ELK1: variants seen among roughly 807,000 people sequenced by gnomAD.
The protein encoded by ELK1 is ETS domain-containing protein Elk-1.
For synonymous variants in ELK1, 163 were observed against 176.3 expected (o/e 0.92, Z 0.60); for missense variants, 254 against 381.5 (o/e 0.67, Z 2.78).
At position 47,637,213 on chromosome X, in the gene ELK1, A is replaced by T. The variant is rs142171122; in HGVS notation, c.1087-99T>A. 4.7e-4 allele frequency: 388 copies of T among 829,568 alleles called. No homozygotes were observed. In the African/African-American group the frequency reaches 6.5e-3, roughly 14 times the overall value. 68.4% of individuals were successfully genotyped at this position (829,568 alleles called of 1,213,427 possible). Reference sequence around the variant, plus strand: ...GCCCCACCACAGATTTCCCACTCACACTCCCAGGGTCACTCCCCAAAGTGC... The same window carrying T: ...GCCCCACCACAGATTTCCCACTCACTCTCCCAGGGTCACTCCCCAAAGTGC... On this transcript the variant is annotated intron_variant, in intron 5 of 6. Coordinates refer to ENST00000376983, the MANE Select transcript of ELK1 (RefSeq NM_001114123.3).
At chrX:47,637,302 C>A (rs1235289479) in intron 5 of ELK1, among the ~76,000 whole-genome samples, 188 bp from the exon 6 acceptor site, 3 of 110,328 alleles carry the variant, frequency 2.7e-5, no homozygotes, top group Non-Finnish European at 5.7e-5. Context: ...AGACACCCCC[C>A]ACTCCCCACT....
intron 2 of ELK1, among the ~76,000 whole-genome samples, chrX:47,647,305 C>T (rs1316336209): frequency 4.6e-5 from 5 of 109,546 alleles, no homozygotes; most frequent in East Asian, 2.9e-4. Context: ...GGATTACAGG[C>T]GCACGCCGCC....
intron 4 of ELK1, 132 bp from the exon 5 acceptor site, chrX:47,638,314 G>C (rs1409239776): frequency 2.5e-6 from 2 of 816,322 alleles, no homozygotes; most frequent in Admixed American, 5.7e-5. Flanking sequence ...ATCAGAGCAA[G>C]TCCTCCAACA....
At chrX:47,645,041 T>C (rs763968449) in intron 2 of ELK1, among the ~76,000 whole-genome samples, 3 of 110,554 alleles carry the variant, frequency 2.7e-5, no homozygotes, top group South Asian at 7.8e-4. Flanking sequence ...TGCTGACAGA[T>C]AGCATGCCCG....
intron 1 of ELK1, 129 bp downstream of exon 1, chrX:47,650,294 A>T: frequency 1.9e-5 from 4 of 213,943 alleles, no homozygotes; most frequent in Non-Finnish European, 2.6e-5. Context: ...CAGGTCCACC[A>T]GCCGTGGTGG....
chrX:47,638,957 T>A lies in ELK1; in HGVS notation c.592A>T (p.Ser198Cys). 8.3e-7 allele frequency: 1 copy of A among 1,202,463 alleles called. No homozygotes were observed. The highest frequency in any genetic ancestry group is 1.1e-6 in the Non-Finnish European group (1 of 890,764). Residue 198 changes from serine (S) to cysteine (C), a missense_variant, in exon 4 of 7, where the codon AGC (serine) becomes TGC (cysteine). Physicochemically the swap from Ser to Cys is moderately radical, Grantham distance 112. Transcript: ENST00000376983. ...GCCTCCAAGGGGCTTGGACTGGTGC[T>A]CCTGCTCCCCGAGGGGGGCGCTGCT... The part of the protein sequence containing the change: ...GAAAPPSGSR[S>C]TSPSPLEACL...
rs2058058842 is a variant in ELK1, at chrX:47,650,511, G to A, written c.-229C>T. Reference sequence around the variant, plus strand: ...GCGGCCCCACCGCCCCCCAGGCCTGGGTTCCGAGGCGGCGGTGGAGGTGGT... The same window carrying A: ...GCGGCCCCACCGCCCCCCAGGCCTGAGTTCCGAGGCGGCGGTGGAGGTGGT... On this transcript the variant is annotated 5_prime_UTR_variant, in exon 1 of 7. Coordinates refer to ENST00000376983, the MANE Select transcript of ELK1 (RefSeq NM_001114123.3). 3.1e-6 allele frequency: 1 copy of A among 325,536 alleles called. No individual in the cohort carries two copies. The highest frequency in any genetic ancestry group is 5.8e-6 in the Non-Finnish European group (1 of 172,596). The allele number at this position is 325,536 out of a possible 1,213,427, so 26.8% of individuals were successfully genotyped here.
intron 1 of ELK1, 150 bp from the exon 2 acceptor site, chrX:47,650,176 TG>T (rs750330725): frequency 8.2e-6 from 1 of 122,200 alleles, no homozygotes; most frequent in Non-Finnish European, 1.6e-5. Flanking sequence ...TAAGTTGGCG[TG>T]GGGAAAAACA....
At chrX:47,646,998 G>A (rs1039870706) in intron 2 of ELK1, among the ~76,000 whole-genome samples, 2 of 111,495 alleles carry the variant, frequency 1.8e-5, no homozygotes, top group East Asian at 2.8e-4. Flanking sequence ...CGTCTCTACC[G>A]TGAGGCCCTA....
At position 47,641,232 on chromosome X, in the gene ELK1, C is replaced by T. The variant is rs760252706; in HGVS notation, c.210G>A (p.Lys70=). 3.3e-6 allele frequency: 4 copies of T among 1,211,497 alleles called. No homozygotes were observed. Among genetic ancestry groups the T allele is most frequent in the Non-Finnish European group, 1.1e-6 (1 of 895,243 alleles). Residue 70 remains lysine, a splice_region_variant and synonymous_variant, in exon 3 of 7, where the codon AAG becomes AAA. Coordinates refer to ENST00000376983, the MANE Select transcript of ELK1 (RefSeq NM_001114123.3). ...LSRALRYYYD[K]NIIRKVSGQK... is the part of the protein sequence containing the mutation. ...CCAGCCCTGGTCTGAGAGACTGTAC[C>T]TTGTCATAGTAGTACCGCAAGGCCC...
intron 5 of ELK1, 82 bp downstream of exon 5, chrX:47,637,667 CCT>C: frequency 3.8e-6 from 4 of 1,062,813 alleles, no homozygotes; most frequent in Non-Finnish European, 3.8e-6. Context: ...CACTCACCCT[CCT>C]CTGATTCCTG....
Position 47,640,950 on chromosome X carries a change from G to A in ELK1, c.210+282C>T, listed in dbSNP as rs181679439. ...TAGGAATACGGCAGGAAAATGAAAC[G>A]TTGTGCATGGCAGGGCAGCATCACT... is the stretch of plus-strand genomic sequence containing the variant. On this transcript the variant is annotated intron_variant, in intron 3 of 6. Coordinates refer to ENST00000376983, the MANE Select transcript of ELK1 (RefSeq NM_001114123.3). Among the ~76,000 whole-genome samples, 88 of 111,436 alleles carry A rather than the reference G, an allele frequency of 7.9e-4. 1 individual carries two copies. The East Asian group carries it at 0.021, about 27-fold the overall frequency.
chrX:47,637,602 C>T, intron 5 of ELK1, 149 bp downstream of exon 5: 7 of 757,238 alleles, frequency 9.2e-6, no homozygotes, highest in Non-Finnish European at 1.3e-5. Flanking sequence ...TCCCTCCAGC[C>T]AGCATCAGCC....
chrX:47,643,421 A>G (rs950454921), intron 2 of ELK1, among the ~76,000 whole-genome samples: 5 of 111,892 alleles, frequency 4.5e-5, no homozygotes, highest in Admixed American at 9.5e-5. Context: ...CCATTCCAAC[A>G]TCCAAAATGC....
intron 2 of ELK1, among the ~76,000 whole-genome samples, chrX:47,643,903 G>C (rs992485516): frequency 1.8e-5 from 2 of 111,668 alleles, no homozygotes; most frequent in African/African-American, 6.5e-5. Flanking sequence ...TTCACCATTA[G>C]GCTAAACGGC....
At chrX:47,650,315 G>A in intron 1 of ELK1, 108 bp downstream of exon 1, 1 of 217,897 alleles carries the variant, frequency 4.6e-6, no homozygotes, top group South Asian at 4.7e-5. Context: ...TGGCGGCGGG[G>A]AGTCGAACAC....
rs753906216 is a variant in ELK1, at chrX:47,650,544, G to C, written c.-262C>G. On this transcript the variant is annotated 5_prime_UTR_variant, in exon 1 of 7. Transcript: ENST00000376983. ...GGCGGCGGTGGAGGTGGTGGTGGCG[G>C]TGGCGGCGGCAGCACCTAGAAGCCG... The C allele has an allele frequency of 3.1e-6, 1 of 324,563 alleles. No homozygotes were observed. The highest frequency in any genetic ancestry group is 5.8e-6 in the Non-Finnish European group (1 of 171,353). The allele number at this position is 324,563 out of a possible 1,213,427, so 26.7% of individuals were successfully genotyped here.
chrX:47,637,296 A>G (rs2058012033), intron 5 of ELK1, among the ~76,000 whole-genome samples, 182 bp from the exon 6 acceptor site: 1 of 108,012 alleles, frequency 9.3e-6, no homozygotes, highest in Non-Finnish European at 1.9e-5. Flanking sequence ...CTCTGCAGAC[A>G]CCCCCCACTC....
intron 2 of ELK1, 58 bp downstream of exon 2, chrX:47,649,863 A>G (rs1358256392): frequency 1.0e-5 from 1 of 96,442 alleles, no homozygotes; most frequent in African/African-American, 3.9e-5. Context: ...GAAAAAAGCC[A>G]TGGACTGATG....
Sources: gnomAD v4.1 joint callset for allele counts (sites outside exome capture counted in the v4.1 genomes callset) on GRCh38, gnomAD v4.1.1 for gene constraint, MANE v1.5 for transcripts, NCBI Gene and HGNC (gene_info 2026-07-23, HGNC 2026-07-21) for gene names.